Variants in YAP1 observed in about 807,000 individuals in gnomAD.
YAP1 encodes Yes1 associated transcriptional regulator, also known as transcriptional coactivator YAP1.
A neutral mutation model predicts 56.9 loss-of-function variants in YAP1; 5 were observed. The ratio of observed to expected loss-of-function variants is 0.09; its 90% confidence interval spans 0.05 to 0.18. The LOEUF is 0.18. Ranked by LOEUF, YAP1 falls within the 10% of genes least tolerant of loss-of-function variation. The probability of loss-of-function intolerance (pLI) is 1.00; values close to 1 mark genes in which losing one functional copy is unlikely to be tolerated. For synonymous variants in YAP1, 265 were observed against 248.1 expected (o/e 1.07, Z -0.64); for missense variants, 539 against 651.8 (o/e 0.83, Z 1.88).
intron 3 of YAP1, among the ~76,000 whole-genome samples, chr11:102,170,632 C>T (rs940797541): frequency 8.5e-5 from 13 of 152,182 alleles, no homozygotes; most frequent in South Asian, 2.1e-4. Flanking sequence ...TTGAAGTAAT[C>T]ATTTGGGATA....
In YAP1 at chr11:102,132,106, A is replaced by T. The variant is rs1006890103; in HGVS notation, c.572+17712A>T. ...GCATCCCAGCCTGGGCAACAGAGCG[A>T]GACCCTGTGTCAAAAAAAATAAAAA... On this transcript the variant is annotated intron_variant, in intron 2 of 8. Coordinates refer to ENST00000282441, the MANE Select transcript of YAP1 (RefSeq NM_001130145.3). Among the ~76,000 whole-genome samples the T allele has an allele frequency of 7.9e-5, 12 of 152,254 alleles. No homozygotes were observed. In the East Asian group the frequency reaches 2.1e-3, roughly 27 times the overall value.
intron 2 of YAP1, among the ~76,000 whole-genome samples, chr11:102,159,823 A>G (rs1213516544): frequency 6.6e-6 from 1 of 152,078 alleles, no homozygotes; most frequent in African/African-American, 2.4e-5. Flanking sequence ...TTTCTTTTCC[A>G]CAGAGGAGTC....
intron 2 of YAP1, among the ~76,000 whole-genome samples, chr11:102,120,389 G>A (rs945465803): frequency 6.6e-6 from 1 of 152,214 alleles, no homozygotes; most frequent in African/African-American, 2.4e-5. Flanking sequence ...CACCAACCAA[G>A]TGATAGTCTG....
intron 6 of YAP1, among the ~76,000 whole-genome samples, chr11:102,212,894 T>C (rs116366424): frequency 0.013 from 1,991 of 152,308 alleles, 40 homozygotes; most frequent in African/African-American, 0.044. Flanking sequence ...GAGCTTAACA[T>C]TTTAATTTCA....
intron 2 of YAP1, among the ~76,000 whole-genome samples, chr11:102,134,210 G>A (rs116627041): frequency 6.6e-6 from 1 of 152,224 alleles, no homozygotes; most frequent in African/African-American, 2.4e-5. Context: ...GGTAGTGGTG[G>A]TCTCTCACTT....
intron 2 of YAP1, among the ~76,000 whole-genome samples, chr11:102,155,697 T>C (rs1288923939): frequency 6.6e-6 from 1 of 152,230 alleles, no homozygotes; most frequent in Non-Finnish European, 1.5e-5. Flanking sequence ...TTGGGAAATG[T>C]TTCCCTCGCT....
intron 4 of YAP1, among the ~76,000 whole-genome samples, chr11:102,199,892 C>T (rs1244607583): frequency 6.6e-6 from 1 of 152,212 alleles, no homozygotes. Flanking sequence ...TGACCACTGT[C>T]AAGTCACAGA....
intron 3 of YAP1, among the ~76,000 whole-genome samples, chr11:102,176,501 A>G (rs1257879214): frequency 6.6e-6 from 1 of 152,008 alleles, no homozygotes; most frequent in Admixed American, 6.6e-5. Context: ...TAATCCCAGC[A>G]CTTTGGGAGG....
At chr11:102,222,560 C>CT (rs1474176998) in intron 6 of YAP1, among the ~76,000 whole-genome samples, 1 of 152,166 alleles carries the variant, frequency 6.6e-6, no homozygotes, top group Non-Finnish European at 1.5e-5. Context: ...AACCTACAGC[C>CT]TTTGCTCAGG....
At chr11:102,220,051 A>G (rs951892957) in intron 6 of YAP1, among the ~76,000 whole-genome samples, 1 of 150,670 alleles carries the variant, frequency 6.6e-6, no homozygotes. Context: ...TCAGTGTTCT[A>G]ATGTAGATGG....
chr11:102,148,057 T>C (rs761066889), intron 2 of YAP1, among the ~76,000 whole-genome samples: 4 of 152,220 alleles, frequency 2.6e-5, no homozygotes, highest in Non-Finnish European at 5.9e-5. Flanking sequence ...TTTATGACTA[T>C]CCTTGGTTAT....
chr11:102,180,245 G>A (rs144710084), intron 3 of YAP1, among the ~76,000 whole-genome samples: 7 of 152,080 alleles, frequency 4.6e-5, no homozygotes, highest in African/African-American at 1.7e-4. Context: ...TCGAACTCCT[G>A]ACCTCATGAT....
intron 3 of YAP1, among the ~76,000 whole-genome samples, chr11:102,163,518 C>G (rs1461764339): frequency 6.6e-6 from 1 of 152,140 alleles, no homozygotes; most frequent in East Asian, 1.9e-4. Context: ...GGATTTCTGA[C>G]CACTCCCCTG....
At position 102,120,415 on chromosome 11, in the gene YAP1, A is replaced by T. The variant is rs533901952; in HGVS notation, c.572+6021A>T. On this transcript the variant is annotated intron_variant, in intron 2 of 8. Coordinates refer to ENST00000282441, the MANE Select transcript of YAP1 (RefSeq NM_001130145.3). ...TGATAGTCTGTTGTTTCTTTGAATG[A>T]TGTTGCAAATTAATAAAATAGTGCA... 8.5e-5 allele frequency among the ~76,000 whole-genome samples: 13 copies of T among 152,364 alleles called. No homozygotes were observed. The East Asian group carries it at 2.5e-3, about 29-fold the overall frequency.
rs1299553559 is a variant in YAP1 at position 102,233,350 on chromosome 11, T to A, written c.*3410T>A. On this transcript the variant is annotated 3_prime_UTR_variant, in exon 9 of 9. Coordinates refer to ENST00000282441, the MANE Select transcript of YAP1 (RefSeq NM_001130145.3). The stretch of plus-strand genomic sequence containing the variant: ...ATATGTTAGGTACTTACATAAATTG[T>A]TACATTATTTTTTCTTATGTAATAC... 2 of 152,258 alleles carry A rather than the reference T, an allele frequency of 1.3e-5. No homozygotes were observed. Among genetic ancestry groups the A allele is most frequent in the Admixed American group, 6.5e-5 (1 of 15,284 alleles). 9.4% of individuals were successfully genotyped at this position (152,258 alleles called of 1,614,324 possible).
At chr11:102,225,650 C>T (rs1337979178) in intron 7 of YAP1, among the ~76,000 whole-genome samples, 4 of 152,192 alleles carry the variant, frequency 2.6e-5, no homozygotes, top group Non-Finnish European at 4.4e-5. Context: ...TACTTTTACC[C>T]TCAAAGCTCA....
intron 6 of YAP1, among the ~76,000 whole-genome samples, chr11:102,210,815 T>G (rs1949368627): frequency 6.6e-6 from 1 of 151,958 alleles, no homozygotes; most frequent in East Asian, 1.9e-4. Context: ...TGCAGTGGTG[T>G]GATCTCGGCT....
At chr11:102,177,529 T>C (rs1947328776) in intron 3 of YAP1, among the ~76,000 whole-genome samples, 1 of 151,958 alleles carries the variant, frequency 6.6e-6, no homozygotes, top group Admixed American at 6.6e-5. Context: ...ATACAAAAAT[T>C]AGCTGGGCGT....
intron 2 of YAP1, among the ~76,000 whole-genome samples, chr11:102,144,894 T>A (rs1256041118): frequency 8.6e-5 from 13 of 151,244 alleles, no homozygotes; most frequent in African/African-American, 2.9e-4. Context: ...ACACTCATGC[T>A]CACACACTCA....
Sources: allele counts gnomAD v4.1 joint callset (sites outside exome capture counted in the v4.1 genomes callset), GRCh38; gene constraint gnomAD v4.1.1; transcripts MANE v1.5; gene names NCBI Gene and HGNC (gene_info 2026-07-23, HGNC 2026-07-21).